The following PARN variants were observed in gnomAD, a reference collection of about 807,000 sequenced individuals.
PARN encodes the protein poly(A)-specific ribonuclease PARN.
Under a neutral mutation model 102.8 loss-of-function variants are expected in PARN, and 71 were observed. The ratio of observed to expected loss-of-function variants is 0.69; its 90% confidence interval spans 0.57 to 0.84. The LOEUF is 0.84. Ranked by LOEUF, PARN falls within the 40% of genes least tolerant of loss-of-function variation. The pLI is 0.00. For synonymous variants in PARN, 261 were observed against 252.9 expected (o/e 1.03, Z -0.30); for missense variants, 782 against 760.9 (o/e 1.03, Z -0.33).
At position 14,436,511 on chromosome 16, in the gene PARN, C is replaced by G; in HGVS notation, c.*206G>C. 2 of 600,424 alleles carry G rather than the reference C, an allele frequency of 3.3e-6. No homozygotes were observed. Among genetic ancestry groups the G allele is most frequent in the Middle Eastern group, 4.4e-4 (1 of 2,256 alleles). The allele number at this position is 600,424 out of a possible 1,614,324, so 37.2% of individuals were successfully genotyped here. Reference sequence around the variant, plus strand: ...GACAGCCTACAACCGTGATGAGTGTCAATGTCAACAGGCAGTTAGATTAAA... The same window carrying G: ...GACAGCCTACAACCGTGATGAGTGTGAATGTCAACAGGCAGTTAGATTAAA... On this transcript the variant is annotated 3_prime_UTR_variant, in exon 24 of 24. Transcript: ENST00000437198.
chr16:14,543,801 A>G (rs1966855826), intron 21 of PARN, among the ~76,000 whole-genome samples: 1 of 152,250 alleles, frequency 6.6e-6, no homozygotes, highest in Non-Finnish European at 1.5e-5. Context: ...GAAAGCAAAC[A>G]AAAAGCAAAT....
intron 21 of PARN, among the ~76,000 whole-genome samples, chr16:14,537,869 T>C (rs541662016): frequency 2.0e-5 from 3 of 152,310 alleles, no homozygotes; most frequent in East Asian, 1.9e-4. Context: ...CTGGCAGCAC[T>C]GGAAGGTGAA....
chr16:14,571,528 C>T (rs1968811631), intron 18 of PARN, among the ~76,000 whole-genome samples: 1 of 152,110 alleles, frequency 6.6e-6, no homozygotes, highest in Non-Finnish European at 1.5e-5. Context: ...GCTTTCTGGT[C>T]AAGGCTCAAT....
intron 18 of PARN, among the ~76,000 whole-genome samples, chr16:14,564,788 G>T (rs1373848341): frequency 6.6e-6 from 1 of 152,030 alleles, no homozygotes; most frequent in Non-Finnish European, 1.5e-5. Context: ...TTCACTCCCC[G>T]AGTGAAAAAT....
chr16:14,542,876 AGAG>A (rs1482220646), intron 21 of PARN, among the ~76,000 whole-genome samples: 1 of 152,228 alleles, frequency 6.6e-6, no homozygotes, highest in Non-Finnish European at 1.5e-5. Flanking sequence ...CTGGAGTCTC[AGAG>A]GAGAAGAAAG....
rs1156552505 is a variant in PARN, at chr16:14,450,754, T to C, written c.1671-3673A>G. Among the ~76,000 whole-genome samples the C allele has an allele frequency of 3.9e-5, 6 of 152,030 alleles. No individual in the cohort carries two copies. The East Asian group carries it at 7.7e-4, about 20-fold the overall frequency. On this transcript the variant is annotated intron_variant, in intron 22 of 23. Coordinates refer to ENST00000437198, the MANE Select transcript of PARN (RefSeq NM_002582.4). ...GGCTCAAGGGAGATAAATTATAAAA[T>C]GAGTCTAAAATATTTTGCAATACCA...
At chr16:14,512,254 C>A (rs981981755) in intron 21 of PARN, among the ~76,000 whole-genome samples, 1 of 152,182 alleles carries the variant, frequency 6.6e-6, no homozygotes, top group South Asian at 2.1e-4. Flanking sequence ...GTAATCCCAA[C>A]ATTTTGGGAG....
chr16:14,625,252 C>T (rs1972572429), intron 5 of PARN, among the ~76,000 whole-genome samples: 1 of 152,034 alleles, frequency 6.6e-6, no homozygotes, highest in African/African-American at 2.4e-5. Flanking sequence ...TGGCTCAGCA[C>T]TTTGGGAGGC....
chr16:14,558,324 C>G (rs1198457222), intron 18 of PARN: 3 of 151,768 alleles, frequency 2.0e-5, no homozygotes, highest in African/African-American at 7.3e-5. Context: ...ACGGTGAAAC[C>G]CTGTCTCTAC....
chr16:14,579,479 A>G (rs539407221), intron 18 of PARN, among the ~76,000 whole-genome samples: 1 of 152,252 alleles, frequency 6.6e-6, no homozygotes, highest in Non-Finnish European at 1.5e-5. Context: ...CTGAGGTGGA[A>G]GGGTCACTTG....
In PARN at chr16:14,496,941, G is replaced by C. The variant is rs184474656; in HGVS notation, c.1481-14114C>G. 1.6e-3 allele frequency among the ~76,000 whole-genome samples: 241 copies of C among 152,284 alleles called. 1 individual carries two copies. Among genetic ancestry groups the C allele is most frequent in the Admixed American group, 2.9e-3 (44 of 15,298 alleles). ...TTTTGAATACGACAGAACAGTGCCT[G>C]AGACATGTTAAAATAACTTGCCTGA... is the stretch of plus-strand genomic sequence containing the variant. On this transcript the variant is annotated intron_variant, in intron 21 of 23. Coordinates refer to ENST00000437198, the MANE Select transcript of PARN (RefSeq NM_002582.4).
intron 21 of PARN, among the ~76,000 whole-genome samples, chr16:14,500,954 G>A (rs538315316): frequency 9.9e-5 from 15 of 152,184 alleles, no homozygotes; most frequent in Admixed American, 9.8e-4. Context: ...TCAAATCTGT[G>A]GCAAGGAGGT....
At chr16:14,474,334 T>A (rs1962922103) in intron 22 of PARN, among the ~76,000 whole-genome samples, 1 of 152,220 alleles carries the variant, frequency 6.6e-6, no homozygotes, top group African/African-American at 2.4e-5. Context: ...ATGTCTTTAT[T>A]ATTGTAGCGT....
At chr16:14,502,404 T>C (rs1223224922) in intron 21 of PARN, among the ~76,000 whole-genome samples, 1 of 152,186 alleles carries the variant, frequency 6.6e-6, no homozygotes, top group Non-Finnish European at 1.5e-5. Flanking sequence ...GTGAGCACCA[T>C]GTTATTAAAC....
At chr16:14,620,747 G>GC in intron 5 of PARN, among the ~76,000 whole-genome samples, 1 of 152,198 alleles carries the variant, frequency 6.6e-6, no homozygotes, top group East Asian at 1.9e-4. Flanking sequence ...TCTGGGGAAA[G>GC]CTATACTAAT....
At chr16:14,615,498 C>G (rs1971837325) in intron 6 of PARN, among the ~76,000 whole-genome samples, 1 of 152,104 alleles carries the variant, frequency 6.6e-6, no homozygotes, top group South Asian at 2.1e-4. Context: ...TATTGCTCTG[C>G]TGGTTCAGTC....
intron 15 of PARN, 76 bp from the exon 16 acceptor site, chr16:14,584,498 C>G: frequency 8.2e-7 from 1 of 1,218,486 alleles, no homozygotes; most frequent in Non-Finnish European, 1.2e-6. Context: ...ACTGACCCCC[C>G]CAAAAAAAAG....
At chr16:14,605,314 T>C (rs1363706498) in intron 10 of PARN, among the ~76,000 whole-genome samples, 2 of 152,230 alleles carry the variant, frequency 1.3e-5, no homozygotes, top group Non-Finnish European at 2.9e-5. Context: ...AGCTAATGCA[T>C]TACAAACCAA....
intron 21 of PARN, among the ~76,000 whole-genome samples, chr16:14,543,227 G>A (rs1269311609): frequency 1.3e-5 from 2 of 152,056 alleles, no homozygotes; most frequent in Admixed American, 6.6e-5. Flanking sequence ...AAAATATCCT[G>A]TGTGAATAAA....
Sources: gnomAD v4.1 joint callset for allele counts (sites outside exome capture counted in the v4.1 genomes callset) on GRCh38, gnomAD v4.1.1 for gene constraint, MANE v1.5 for transcripts, NCBI Gene and HGNC (gene_info 2026-07-23, HGNC 2026-07-21) for gene names.